The following IL23R variants were observed in gnomAD, a reference collection of about 807,000 sequenced individuals.
IL23R encodes interleukin-23 receptor.
In IL23R, 34 loss-of-function variants were observed where a neutral mutation model predicts 56.9. The ratio of observed to expected loss-of-function variants is 0.60; its 90% CI spans 0.45 to 0.80. IL23R has a LOEUF of 0.80. IL23R is among the 30% of genes least tolerant of loss of function. IL23R has a pLI of 0.00. For synonymous variants in IL23R, 230 were observed against 249.2 expected (o/e 0.92, Z 0.73); for missense variants, 635 against 730.0 (o/e 0.87, Z 1.50).
intron 4 of IL23R, among the ~76,000 whole-genome samples, chr1:67,183,258 G>A (rs542958245): frequency 7.2e-5 from 11 of 152,288 alleles, no homozygotes; most frequent in South Asian, 2.1e-4. Flanking sequence ...TGCTTAGGAC[G>A]GGCACAGTGG....
intron 3 of IL23R, among the ~76,000 whole-genome samples, chr1:67,176,780 C>A (rs1342357110): frequency 6.6e-6 from 1 of 152,044 alleles, no homozygotes; most frequent in African/African-American, 2.4e-5. Flanking sequence ...TGCTATCCCT[C>A]CCCCCTCCTC....
At chr1:67,254,847 T>C (rs1652852859) in intron 9 of IL23R, among the ~76,000 whole-genome samples, 1 of 152,236 alleles carries the variant, frequency 6.6e-6, no homozygotes, top group African/African-American at 2.4e-5. Context: ...ATGGCAGTGC[T>C]AATAGATAGC....
At chr1:67,203,161 A>T (rs1411402982) in intron 5 of IL23R, among the ~76,000 whole-genome samples, 1 of 152,340 alleles carries the variant, frequency 6.6e-6, no homozygotes, top group East Asian at 1.9e-4. Flanking sequence ...ATATCATTGC[A>T]TCAATTTATT....
chr1:67,182,749 G>A (rs961488731), intron 3 of IL23R, 87 bp from the exon 4 acceptor site: 1 of 1,400,908 alleles, frequency 7.1e-7, no homozygotes, highest in Non-Finnish European at 1.0e-6. Flanking sequence ...CTGTAGACTG[G>A]AGCTGTTCCT....
intron 6 of IL23R, among the ~76,000 whole-genome samples, chr1:67,213,076 G>A (rs924211265): frequency 5.3e-5 from 8 of 151,794 alleles, no homozygotes; most frequent in South Asian, 2.1e-4. Flanking sequence ...GTTTCACCAC[G>A]TTGGCCAGGC....
chr1:67,238,327 A>C (rs1246537959), intron 8 of IL23R, among the ~76,000 whole-genome samples: 1 of 145,180 alleles, frequency 6.9e-6, no homozygotes, highest in East Asian at 2.0e-4. Context: ...CAACAGAGCA[A>C]GACCCTGTCT....
rs1198429077 is a variant in IL23R at position 67,207,555 on chromosome 1, A to G, written c.798+500A>G. ...CAGTCTTTCCCACACTAGTCTCGTG[A>G]TAGTGAATAAGTCTCACGAGATCTG... On this transcript the variant is annotated intron_variant, in intron 6 of 10. Transcript: ENST00000347310. The G allele has an allele frequency of 1.5e-5, 5 of 333,664 alleles. No homozygotes were observed. The East Asian group carries it at 3.5e-4, about 24-fold the overall frequency. The allele number at this position is 333,664 out of a possible 1,614,324, so 20.7% of individuals were successfully genotyped here.
Position 67,200,718 on chromosome 1 carries a change from C to CTT in IL23R, c.492-10_492-9dup. ...CAAACTAAATACAATTTATGATCAT[C>CTT]TTTTTTTTTTGTTTTAAGTTTAGAG... On this transcript the variant is annotated intron_variant, in intron 4 of 10. Coordinates refer to ENST00000347310, the MANE Select transcript of IL23R (RefSeq NM_144701.3). 3.7e-6 allele frequency: 5 copies of CTT among 1,340,892 alleles called. No individual in the cohort carries two copies. The highest frequency in any genetic ancestry group is 5.1e-6 in the Non-Finnish European group (5 of 973,180). 83.1% of individuals were successfully genotyped at this position (1,340,892 alleles called of 1,614,324 possible).
In IL23R at chr1:67,177,693, C is replaced by G. The variant is rs572019416; in HGVS notation, c.368-5143C>G. 6.6e-5 allele frequency among the ~76,000 whole-genome samples: 10 copies of G among 151,310 alleles called. 2 individuals carry two copies. The highest frequency in any genetic ancestry group is 2.5e-4 in the African/African-American group (10 of 40,640). On this transcript the variant is annotated intron_variant, in intron 3 of 10. Transcript: ENST00000347310. Reference sequence around the variant, plus strand: ...GTGTTTTCATCATGAAGTCTTTGCCCATGCCTATGTCCTGAATGGTATTAT... The same window carrying G: ...GTGTTTTCATCATGAAGTCTTTGCCGATGCCTATGTCCTGAATGGTATTAT...
chr1:67,256,538 G>A (rs866585329), intron 10 of IL23R, among the ~76,000 whole-genome samples: 1 of 152,188 alleles, frequency 6.6e-6, no homozygotes, highest in Non-Finnish European at 1.5e-5. Context: ...GATAACCCCT[G>A]GCCCTCGGGA....
At position 67,169,494 on chromosome 1, in the gene IL23R, T is replaced by C; in HGVS notation, c.223T>C (p.Phe75Leu). The change falls in exon 3 of 11, where the codon TTT (phenylalanine) becomes CTT (leucine). Residue 75 changes from phenylalanine (F) to leucine (L), a missense_variant. Phe to Leu is a conservative substitution (Grantham distance 22). Transcript: ENST00000347310. Reference protein sequence around the residue: ...HFYKNGIKERFQITRINKTTA... With the variant: ...HFYKNGIKERLQITRINKTTA... ...TTATAAAAATGGCATCAAAGAAAGA[T>C]TTCAAATCACAAGGATTAATAAAAC... 1 of 1,614,042 alleles carries C rather than the reference T, an allele frequency of 6.2e-7. No homozygotes were observed. The highest frequency in any genetic ancestry group is 8.5e-7 in the Non-Finnish European group (1 of 1,179,968).
intron 9 of IL23R, among the ~76,000 whole-genome samples, chr1:67,243,135 C>T (rs568256579): frequency 1.3e-5 from 2 of 152,130 alleles, no homozygotes; most frequent in African/African-American, 2.4e-5. Context: ...TGGTTCTCCA[C>T]GAGTCCATGC....
intron 1 of IL23R, among the ~76,000 whole-genome samples, chr1:67,144,841 A>T (rs1646666161): frequency 6.6e-6 from 1 of 152,126 alleles, no homozygotes; most frequent in African/African-American, 2.4e-5. Context: ...ACTTACTGAT[A>T]ATTCCTGGAT....
intron 6 of IL23R, among the ~76,000 whole-genome samples, chr1:67,218,643 G>A (rs952749665): frequency 1.3e-5 from 2 of 149,652 alleles, no homozygotes; most frequent in African/African-American, 4.9e-5. Context: ...CAAAATTAAG[G>A]CTGGGTATGG....
intron 1 of IL23R, among the ~76,000 whole-genome samples, chr1:67,158,623 T>C (rs1049099501): frequency 1.3e-5 from 2 of 152,130 alleles, no homozygotes; most frequent in Admixed American, 1.3e-4. Context: ...CTGGTGGGCG[T>C]GTCTTATGGA....
At chr1:67,218,994 C>T (rs1650061182) in intron 6 of IL23R, among the ~76,000 whole-genome samples, 1 of 150,968 alleles carries the variant, frequency 6.6e-6, no homozygotes, top group East Asian at 1.9e-4. Flanking sequence ...AATATATATA[C>T]ACACATAAAT....
chr1:67,207,714 C>A, intron 6 of IL23R: 2 of 283,644 alleles, frequency 7.1e-6, no homozygotes, highest in Non-Finnish European at 1.4e-5. Flanking sequence ...TCCAATTAAA[C>A]CTCTTTTTCT....
intron 3 of IL23R, among the ~76,000 whole-genome samples, chr1:67,182,011 A>T (rs189623735): frequency 2.7e-3 from 418 of 152,306 alleles, no homozygotes; most frequent in Non-Finnish European, 5.2e-3. Context: ...TCAGAGGAGT[A>T]CCTGGCCATG....
At chr1:67,156,786 C>T (rs1466212673) in intron 1 of IL23R, among the ~76,000 whole-genome samples, 2 of 152,198 alleles carry the variant, frequency 1.3e-5, no homozygotes, top group African/African-American at 4.8e-5. Flanking sequence ...CCACTTGGCT[C>T]CCTGGCTTCA....
Sources: allele counts gnomAD v4.1 joint callset (sites outside exome capture counted in the v4.1 genomes callset), GRCh38; gene constraint gnomAD v4.1.1; transcripts MANE v1.5; gene names NCBI Gene and HGNC (gene_info 2026-07-23, HGNC 2026-07-21).